PDE11A: variants seen among roughly 807,000 people sequenced by gnomAD.
The protein encoded by PDE11A is dual 3',5'-cyclic-AMP and -GMP phosphodiesterase 11A.
Under a neutral mutation model 100.5 loss-of-function variants are expected in PDE11A, and 100 were observed. The observed-to-expected ratio is 1.00, with a 90% CI of 0.85 to 1.18. PDE11A has a LOEUF of 1.18. Among genes scored for constraint, PDE11A ranks in the 50% most tolerant of loss-of-function variants. The pLI is 0.00. For synonymous variants in PDE11A, 381 were observed against 420.8 expected (o/e 0.91, Z 1.16); for missense variants, 1,141 against 1,152.6 (o/e 0.99, Z 0.15).
At chr2:177,884,579 A>G (rs1350397070) in intron 4 of PDE11A, among the ~76,000 whole-genome samples, 1 of 152,218 alleles carries the variant, frequency 6.6e-6, no homozygotes, top group East Asian at 1.9e-4. Context: ...GCTGAGGACC[A>G]GAGAGGAGAA....
intron 10 of PDE11A, among the ~76,000 whole-genome samples, chr2:177,756,217 G>T (rs551216411): frequency 7.9e-4 from 120 of 152,228 alleles, no homozygotes; most frequent in Admixed American, 2.0e-3. Flanking sequence ...GTGGGCCCCT[G>T]GTCTTTCAGG....
intron 6 of PDE11A, among the ~76,000 whole-genome samples, chr2:177,831,775 C>G (rs2083312359): frequency 6.6e-6 from 1 of 152,172 alleles, no homozygotes; most frequent in African/African-American, 2.4e-5. Flanking sequence ...AAAACTAAGC[C>G]TCTATTATAT....
At chr2:178,023,492 C>T (rs2086439771) in intron 1 of PDE11A, among the ~76,000 whole-genome samples, 1 of 152,118 alleles carries the variant, frequency 6.6e-6, no homozygotes. Flanking sequence ...CTTTTATTCC[C>T]TCTGTATTTA....
In PDE11A at chr2:177,713,016, AT is replaced by A. The variant is rs35391554; in HGVS notation, c.2044-1139del. Among the ~76,000 whole-genome samples, 8 of 149,998 alleles carry A rather than the reference AT, an allele frequency of 5.3e-5. No homozygotes were observed. The East Asian group carries it at 5.9e-4, about 11-fold the overall frequency. On this transcript the variant is annotated intron_variant, in intron 12 of 19. Coordinates refer to ENST00000286063, the MANE Select transcript of PDE11A (RefSeq NM_016953.4). The stretch of plus-strand genomic sequence containing the variant: ...AACAGGTTTCTGTGTTGACAATTTT[AT>A]TTTTTTTTTAGGAGACAGTCTTGTT...
At chr2:178,016,885 C>G (rs1203850976) in intron 1 of PDE11A, among the ~76,000 whole-genome samples, 1 of 152,186 alleles carries the variant, frequency 6.6e-6, no homozygotes, top group African/African-American at 2.4e-5. Context: ...CCAAGTCTCA[C>G]AGGCCTAGAA....
chr2:178,037,911 A>T (rs1194689934), intron 1 of PDE11A, among the ~76,000 whole-genome samples: 1 of 151,966 alleles, frequency 6.6e-6, no homozygotes, highest in Non-Finnish European at 1.5e-5. Context: ...TAGGACAAAT[A>T]TCTAATGCAT....
intron 13 of PDE11A, among the ~76,000 whole-genome samples, chr2:177,710,649 G>T (rs2081346906): frequency 6.6e-6 from 1 of 152,192 alleles, no homozygotes; most frequent in South Asian, 2.1e-4. Context: ...ACTTGGTCAG[G>T]AAATGATAGG....
At chr2:177,928,910 T>C (rs180881586) in intron 2 of PDE11A, among the ~76,000 whole-genome samples, 1 of 152,208 alleles carries the variant, frequency 6.6e-6, no homozygotes, top group East Asian at 1.9e-4. Context: ...ATACATAATC[T>C]TGAAGTTAGG....
At chr2:178,009,558 A>G (rs1253394888) in intron 2 of PDE11A, among the ~76,000 whole-genome samples, 1 of 92,344 alleles carries the variant, frequency 1.1e-5, no homozygotes, top group Non-Finnish European at 2.7e-5. Context: ...GCTTTCAGGC[A>G]GAGGCTGGAT....
At chr2:177,865,368 G>C (rs2084010751) in intron 5 of PDE11A, among the ~76,000 whole-genome samples, 1 of 152,108 alleles carries the variant, frequency 6.6e-6, no homozygotes, top group Non-Finnish European at 1.5e-5. Context: ...TAAAAATAAG[G>C]ATTGATAAGC....
chr2:177,940,683 T>C (rs918279918), intron 2 of PDE11A, among the ~76,000 whole-genome samples: 2 of 152,228 alleles, frequency 1.3e-5, no homozygotes, highest in Non-Finnish European at 2.9e-5. Context: ...GTGTTCTGCA[T>C]GGTATTAATA....
chr2:177,685,550 C>CT (rs148392753), intron 15 of PDE11A, among the ~76,000 whole-genome samples: 8,814 of 151,832 alleles, frequency 0.058, 485 homozygotes, highest in African/African-American at 0.15. Flanking sequence ...CTTTTTTTCT[C>CT]TTTTTTTTGT....
chr2:177,961,440 C>G (rs11687117), intron 2 of PDE11A, among the ~76,000 whole-genome samples: 36,038 of 152,082 alleles, frequency 0.24, 4,393 homozygotes, highest in Middle Eastern at 0.28. Context: ...TATGACATTT[C>G]TTTCATCCGT....
chr2:177,717,733 G>A (rs1315886562), intron 12 of PDE11A, among the ~76,000 whole-genome samples: 4 of 152,172 alleles, frequency 2.6e-5, no homozygotes, highest in Non-Finnish European at 5.9e-5. Context: ...GGGCTGAAAT[G>A]TATACTGGGA....
intron 2 of PDE11A, among the ~76,000 whole-genome samples, chr2:177,960,217 A>G (rs1158834078): frequency 6.6e-6 from 1 of 152,120 alleles, no homozygotes; most frequent in Non-Finnish European, 1.5e-5. Flanking sequence ...ATTAAAGCGG[A>G]CTTTAATTTA....
chr2:177,688,339 A>G (rs1388611510), intron 15 of PDE11A: 2 of 152,252 alleles, frequency 1.3e-5, no homozygotes, highest in Non-Finnish European at 2.9e-5. Flanking sequence ...ATCATTACAA[A>G]GTAACAATGT....
chr2:177,791,403 G>A (rs1435505252), intron 9 of PDE11A, among the ~76,000 whole-genome samples: 1 of 109,082 alleles, frequency 9.2e-6, no homozygotes, highest in Non-Finnish European at 1.8e-5. Flanking sequence ...GGGGGGAGGG[G>A]GGAGGGATAG....
At chr2:177,747,981 T>G (rs984328997) in intron 10 of PDE11A, among the ~76,000 whole-genome samples, 3 of 152,114 alleles carry the variant, frequency 2.0e-5, no homozygotes, top group South Asian at 4.1e-4. Flanking sequence ...CTCCCGATCC[T>G]CTAGTCCTTG....
At chr2:177,806,218 C>T (rs115746299) in intron 9 of PDE11A, among the ~76,000 whole-genome samples, 1,350 of 84,248 alleles carry the variant, frequency 0.016, 13 homozygotes, top group East Asian at 0.09. Context: ...CATTCTTGCA[C>T]ATGAATTTGG....
Sources: allele counts gnomAD v4.1 joint callset (sites outside exome capture counted in the v4.1 genomes callset), GRCh38; gene constraint gnomAD v4.1.1; transcripts MANE v1.5; gene names NCBI Gene and HGNC (gene_info 2026-07-23, HGNC 2026-07-21).